Variants in MAGEB3 observed in about 807,000 individuals in gnomAD.
MAGEB3 encodes the protein melanoma-associated antigen B3.
For synonymous variants in MAGEB3, 91 were observed against 93.0 expected, an observed-to-expected ratio of 0.98 and a Z score of 0.12; for missense variants, 191 against 262.4, an observed-to-expected ratio of 0.73 and a Z score of 1.88.
At position 30,237,419 on chromosome X, in the gene MAGEB3, GATAA is replaced by G. The variant is rs890468595; in HGVS notation, c.*459_*462del. Reference sequence around the variant, plus strand: ...TACTCTGTGCTTTAAGAAAATGAAAGATAAATAACCATATATGTCTGGCTTACTT... The same window carrying G: ...TACTCTGTGCTTTAAGAAAATGAAAGATAACCATATATGTCTGGCTTACTT... On this transcript the variant is annotated 3_prime_UTR_variant, in exon 5 of 5. Coordinates refer to ENST00000361644, the MANE Select transcript of MAGEB3 (RefSeq NM_002365.5). 7.9e-6 allele frequency: 1 copy of G among 126,019 alleles called. No homozygotes were observed. The highest frequency in any genetic ancestry group is 1.8e-5 in the Non-Finnish European group (1 of 55,424). The allele number at this position is 126,019 out of a possible 1,213,427, so 10.4% of individuals were successfully genotyped here.
rs1924849591 is a variant in MAGEB3 at position 30,232,809 on chromosome X, T to A, written c.-253-18T>A. On this transcript the variant is annotated intron_variant, in intron 2 of 4. Transcript: ENST00000361644. ...ATAAATAAATAAATATAAACTTTTT[T>A]TTATTTTTTATTTTAAGGCAGGGCT... The A allele has an allele frequency of 9.1e-6, 1 of 109,489 alleles. No individual in the cohort carries two copies. Among genetic ancestry groups the A allele is most frequent in the African/African-American group, 3.3e-5 (1 of 30,029 alleles). 9.0% of individuals were successfully genotyped at this position (109,489 alleles called of 1,213,427 possible).
chrX:30,233,911 G>A (rs766247544), intron 4 of MAGEB3, among the ~76,000 whole-genome samples: 2 of 111,668 alleles, frequency 1.8e-5, no homozygotes, highest in African/African-American at 6.5e-5. Context: ...AGCAGCCCCA[G>A]TTATTCAGTT....
rs1033653639 is a variant in MAGEB3 at position 30,236,170 on chromosome X, A to G, written c.246A>G (p.Ser82=). Residue 82 remains serine, a synonymous_variant, in exon 5 of 5, where the codon TCA becomes TCG. Coordinates refer to ENST00000361644, the MANE Select transcript of MAGEB3 (RefSeq NM_002365.5). ...CTGTAGATGTTTCTTACAAAAAGTC[A>G]TACAAGGGAGCCAACAGCAAAATTG... ...TTSVDVSYKK[S]YKGANSKIEK... The G allele has an allele frequency of 4.1e-6, 5 of 1,210,090 alleles. No homozygotes were observed. The highest frequency in any genetic ancestry group is 4.5e-6 in the Non-Finnish European group (4 of 894,675).
At chrX:30,232,586 G>A (rs1177811572) in intron 2 of MAGEB3, among the ~76,000 whole-genome samples, 4 of 103,609 alleles carry the variant, frequency 3.9e-5, no homozygotes, top group Admixed American at 1.0e-4. Context: ...ACGCCACTGC[G>A]CTCCAGCCTG....
rs1432370639 is a variant in MAGEB3, at chrX:30,233,278, C to T, written c.-147C>T. The T allele has an allele frequency of 1.0e-5, 1 of 96,076 alleles. No individual in the cohort carries two copies. The highest frequency in any genetic ancestry group is 3.8e-5 in the African/African-American group (1 of 26,087). 7.9% of individuals were successfully genotyped at this position (96,076 alleles called of 1,213,427 possible). On this transcript the variant is annotated 5_prime_UTR_variant, in exon 4 of 5. It adds an upstream start codon to the 5' untranslated region. Transcript: ENST00000361644. Reference sequence around the variant, plus strand: ...AATTTTAAGGCAGGGCTCTGGCTCACGCTTGTAATCCCAACATTTTGGGAG... The same window carrying T: ...AATTTTAAGGCAGGGCTCTGGCTCATGCTTGTAATCCCAACATTTTGGGAG...
rs762704445 is a variant in MAGEB3 at position 30,235,878 on chromosome X, T to A, written c.-47T>A. ...CTCTCCTCCAGGTGCCTGTATCACC[T>A]GCCCTTCTGCTGACACTCCTGCCTG... On this transcript the variant is annotated 5_prime_UTR_variant, in exon 5 of 5. Transcript: ENST00000361644. 61 of 1,017,007 alleles carry A rather than the reference T, an allele frequency of 6.0e-5. No individual in the cohort carries two copies. Among genetic ancestry groups the A allele is most frequent in the Non-Finnish European group, 7.8e-5 (58 of 741,123 alleles). 83.8% of individuals were successfully genotyped at this position (1,017,007 alleles called of 1,213,427 possible).
intron 2 of MAGEB3, among the ~76,000 whole-genome samples, chrX:30,231,989 G>A (rs1924809275): frequency 8.9e-6 from 1 of 112,083 alleles, no homozygotes; most frequent in Non-Finnish European, 1.9e-5. Flanking sequence ...GGGTCCCAGC[G>A]TGTCACCCGC....
At position 30,236,632 on chromosome X, in the gene MAGEB3, G is replaced by A; in HGVS notation, c.708G>A (p.Lys236=). 8.3e-7 allele frequency: 1 copy of A among 1,211,192 alleles called. No individual in the cohort carries two copies. Among genetic ancestry groups the A allele is most frequent in the Non-Finnish European group, 1.1e-6 (1 of 894,859 alleles). Reference sequence around the variant, plus strand: ...ATAAGATGAGAATATATGATGGGAAGAAACACTTCATATTTGGGGAGCCCA... The same window carrying A: ...ATAAGATGAGAATATATGATGGGAAAAAACACTTCATATTTGGGGAGCCCA... The part of the protein sequence containing the change: ...FLNKMRIYDG[K]KHFIFGEPRK... The change falls in exon 5 of 5, where the codon AAG becomes AAA. Residue 236 remains lysine (K), a synonymous_variant. Transcript: ENST00000361644.
At chrX:30,232,456 CA>C (rs772663436) in intron 2 of MAGEB3, among the ~76,000 whole-genome samples, 28 of 81,579 alleles carry the variant, frequency 3.4e-4, no homozygotes, top group East Asian at 2.3e-3. Context: ...CCTGTCTCTA[CA>C]AAAAAAAAAA....
rs1253525271 is a variant in MAGEB3, at chrX:30,232,813, T to A, written c.-253-14T>A. On this transcript the variant is annotated splice_polypyrimidine_tract_variant and intron_variant, in intron 2 of 4. Transcript: ENST00000361644. ...ATAAATAAATATAAACTTTTTTTTA[T>A]TTTTTATTTTAAGGCAGGGCTGTGG... 1.8e-5 allele frequency: 2 copies of A among 109,808 alleles called. No individual in the cohort carries two copies. The highest frequency in any genetic ancestry group is 3.8e-5 in the Non-Finnish European group (2 of 52,556). 9.0% of individuals were successfully genotyped at this position (109,808 alleles called of 1,213,427 possible).
chrX:30,232,086 A>G (rs1037607609), intron 2 of MAGEB3, among the ~76,000 whole-genome samples: 1 of 112,151 alleles, frequency 8.9e-6, no homozygotes, highest in African/African-American at 3.2e-5. Flanking sequence ...GACGGGTGCA[A>G]TAGCTTCAGT....
At chrX:30,234,794 C>T (rs767875892) in intron 4 of MAGEB3, among the ~76,000 whole-genome samples, 1 of 111,404 alleles carries the variant, frequency 9.0e-6, no homozygotes, top group South Asian at 3.9e-4. Context: ...TTGCAACCTC[C>T]AGGCAAAGGT....
chrX:30,234,138 G>A (rs186684376), intron 4 of MAGEB3, among the ~76,000 whole-genome samples: 124 of 111,530 alleles, frequency 1.1e-3, no homozygotes, highest in Non-Finnish European at 2.0e-3. Flanking sequence ...CTCCAGACAA[G>A]TGTAGTCATA....
At chrX:30,234,345 G>T (rs1924915654) in intron 4 of MAGEB3, among the ~76,000 whole-genome samples, 1 of 111,128 alleles carries the variant, frequency 9.0e-6, no homozygotes, top group Non-Finnish European at 1.9e-5. Flanking sequence ...CACCCGTGTT[G>T]TCAGCCATCA....
In MAGEB3 at chrX:30,232,907, G is replaced by A. The variant is rs62585752; in HGVS notation, c.-173G>A. 4,555 of 108,023 alleles carry A rather than the reference G, an allele frequency of 0.042. 109 individuals carry two copies. Among genetic ancestry groups the A allele is most frequent in the Admixed American group, 0.068 (679 of 10,015 alleles). The allele number at this position is 108,023 out of a possible 1,213,427, so 8.9% of individuals were successfully genotyped here. A position where few individuals can be genotyped will look rare whatever the true frequency, so the allele number is the denominator to read the frequency against. On this transcript the variant is annotated 5_prime_UTR_variant, in exon 3 of 5. Coordinates refer to ENST00000361644, the MANE Select transcript of MAGEB3 (RefSeq NM_002365.5). The stretch of plus-strand genomic sequence containing the variant: ...TCATCGCTTAAGCACAGGAGTTCGC[G>A]GACTGGGAGGTGAGCTGCCCCTGTA...
At chrX:30,233,699 C>A (rs1354625504) in intron 4 of MAGEB3, among the ~76,000 whole-genome samples, 1 of 111,488 alleles carries the variant, frequency 9.0e-6, no homozygotes, top group Non-Finnish European at 1.9e-5. Flanking sequence ...CTAGGGACCA[C>A]TGACTCCAGA....
At chrX:30,234,815 G>A (rs1383015320) in intron 4 of MAGEB3, among the ~76,000 whole-genome samples, 1 of 111,628 alleles carries the variant, frequency 9.0e-6, no homozygotes, top group East Asian at 2.8e-4. Flanking sequence ...ATTCATAGGT[G>A]AGGGGTCCCT....
chrX:30,235,847 TTC>T lies in MAGEB3; in HGVS notation c.-61-8_-61-7del, dbSNP rs1290550556. On this transcript the variant is annotated splice_polypyrimidine_tract_variant and intron_variant, in intron 4 of 4. Transcript: ENST00000361644. ...TGCTGAAGGCACTCATACCCTCTCTTTCTCTCTCTCCTCCAGGTGCCTGTATC... is the reference window on the plus strand; with the variant it reads ...TGCTGAAGGCACTCATACCCTCTCTTTCTCTCTCCTCCAGGTGCCTGTATC... 2.6e-6 allele frequency: 2 copies of T among 784,121 alleles called. No homozygotes were observed. Among genetic ancestry groups the T allele is most frequent in the East Asian group, 3.2e-5 (1 of 31,413 alleles). 64.6% of individuals were successfully genotyped at this position (784,121 alleles called of 1,213,427 possible).
In MAGEB3 at chrX:30,236,083, G is replaced by T. The variant is rs767498329; in HGVS notation, c.159G>T (p.Lys53Asn). Reference protein sequence around the residue: ...PLILGATIQKKSAGRSRSALK... With the variant: ...PLILGATIQKNSAGRSRSALK... ...TTTTGGGGGCTACTATCCAGAAAAA[G>T]TCTGCTGGTAGGTCACGTAGTGCTC... The change falls in exon 5 of 5, where the codon AAG becomes AAT. Residue 53 changes from lysine (K) to asparagine (N), a missense_variant. Coordinates refer to ENST00000361644, the MANE Select transcript of MAGEB3 (RefSeq NM_002365.5). The T allele has an allele frequency of 1.7e-6, 2 of 1,209,191 alleles. No homozygotes were observed. Among genetic ancestry groups the T allele is most frequent in the African/African-American group, 3.5e-5 (2 of 57,089 alleles).
Sources: allele counts gnomAD v4.1 joint callset (sites outside exome capture counted in the v4.1 genomes callset), GRCh38; gene constraint gnomAD v4.1.1; transcripts MANE v1.5; gene names NCBI Gene and HGNC (gene_info 2026-07-23, HGNC 2026-07-21).